Variants in METTL16 observed in about 807,000 individuals in gnomAD.
The protein encoded by METTL16 is RNA N(6)-adenosine-methyltransferase METTL16.
A neutral mutation model predicts 57.9 loss-of-function variants in METTL16; 19 were observed. The observed-to-expected ratio is 0.33, with a 90% CI of 0.23 to 0.48. The LOEUF is 0.48. Among genes scored for constraint, METTL16 ranks in the 20% least tolerant of loss-of-function variants. The pLI is 0.99. For synonymous variants in METTL16, 246 were observed against 255.6 expected, an observed-to-expected ratio of 0.96 and a Z score of 0.36; for missense variants, 434 against 691.5, an observed-to-expected ratio of 0.63 and a Z score of 4.18.
chr17:2,434,103 T>A (rs1003330145), intron 8 of METTL16, among the ~76,000 whole-genome samples: 1 of 152,102 alleles, frequency 6.6e-6, no homozygotes, highest in Admixed American at 6.5e-5. Context: ...AAGAAGAGGG[T>A]CCTAAGCTTT....
intron 5 of METTL16, 85 bp from the exon 6 acceptor site, chr17:2,464,435 T>C (rs2067175343): frequency 1.5e-6 from 2 of 1,308,996 alleles, no homozygotes; most frequent in African/African-American, 3.0e-5. Flanking sequence ...AGTTAGAATG[T>C]TTAGTTGCAA....
chr17:2,501,793 G>A (rs2067490062), intron 2 of METTL16, among the ~76,000 whole-genome samples: 1 of 151,892 alleles, frequency 6.6e-6, no homozygotes, highest in Non-Finnish European at 1.5e-5. Flanking sequence ...GGGAGGCAGA[G>A]GTTGCAGTGA....
At chr17:2,437,249 T>C (rs934022606) in intron 8 of METTL16, among the ~76,000 whole-genome samples, 4 of 152,162 alleles carry the variant, frequency 2.6e-5, no homozygotes, top group African/African-American at 4.8e-5. Context: ...AAAGGAATAA[T>C]GATCTATCAC....
intron 3 of METTL16, among the ~76,000 whole-genome samples, chr17:2,476,933 G>A (rs2067272417): frequency 6.6e-6 from 1 of 151,004 alleles, no homozygotes; most frequent in Admixed American, 6.6e-5. Flanking sequence ...TCCAGCCTGG[G>A]CGACAAGAGC....
intron 8 of METTL16, among the ~76,000 whole-genome samples, chr17:2,430,734 A>AT (rs966628600): frequency 2.0e-5 from 3 of 151,168 alleles, no homozygotes; most frequent in East Asian, 1.9e-4. Context: ...TATTTTTAGA[A>AT]TTTTTTTTTA....
rs557327335 is a variant in METTL16 at position 2,504,943 on chromosome 17, T to C, written c.1-2612A>G. On this transcript the variant is annotated intron_variant, in intron 1 of 9. Transcript: ENST00000263092. The stretch of plus-strand genomic sequence containing the variant: ...AGTGTACCATAACATCACCAAACTT[T>C]GAAAAAATATCTTTGATTCCAACTT... 1.7e-3 allele frequency among the ~76,000 whole-genome samples: 265 copies of C among 152,242 alleles called. 1 individual carries two copies. Among genetic ancestry groups the C allele is most frequent in the African/African-American group, 6.0e-3 (249 of 41,540 alleles).
intron 6 of METTL16, among the ~76,000 whole-genome samples, chr17:2,444,592 C>T (rs1195924918): frequency 6.6e-6 from 1 of 152,062 alleles, no homozygotes; most frequent in African/African-American, 2.4e-5. Flanking sequence ...ATAAAGTCTA[C>T]AATACTATAC....
At chr17:2,465,359 A>C (rs199916995) in intron 5 of METTL16, among the ~76,000 whole-genome samples, 3 of 151,204 alleles carry the variant, frequency 2.0e-5, no homozygotes, top group Non-Finnish European at 1.5e-5. Context: ...CTGGCTAACA[A>C]AGTGAAACCC....
chr17:2,443,239 G>T (rs933120084), intron 6 of METTL16, among the ~76,000 whole-genome samples: 2 of 152,140 alleles, frequency 1.3e-5, no homozygotes, highest in African/African-American at 4.8e-5. Context: ...CTCTCTAAGT[G>T]CTGGAATTAC....
chr17:2,483,653 T>TA lies in METTL16; in HGVS notation c.129-5769dup, dbSNP rs200471606. Among the ~76,000 whole-genome samples the TA allele has an allele frequency of 7.0e-3, 1,059 of 151,978 alleles. 10 individuals carry two copies. The highest frequency in any genetic ancestry group is 0.024 in the African/African-American group (1,001 of 41,472). ...GCAATGGCCTCAATCAATTTTCACATAAAAAAAAGATTTGCACTATCTTTG... is the reference window on the plus strand; with the variant it reads ...GCAATGGCCTCAATCAATTTTCACATAAAAAAAAAGATTTGCACTATCTTTG... On this transcript the variant is annotated intron_variant, in intron 2 of 9. Transcript: ENST00000263092.
At chr17:2,460,139 C>T (rs1324577099) in intron 6 of METTL16, 1 of 152,146 alleles carries the variant, frequency 6.6e-6, no homozygotes, top group South Asian at 2.1e-4. Context: ...AAACACTGTT[C>T]TAGTTTCTTC....
intron 8 of METTL16, among the ~76,000 whole-genome samples, chr17:2,422,070 G>A (rs1365600143): frequency 6.6e-6 from 1 of 152,130 alleles, no homozygotes; most frequent in Non-Finnish European, 1.5e-5. Context: ...CTAGCACTCT[G>A]GGAGGCCGAA....
chr17:2,473,625 G>A lies in METTL16; in HGVS notation c.368C>T (p.Thr123Ile), dbSNP rs1312514967. The change falls in exon 4 of 10, where the codon ACC becomes ATC. Residue 123 changes from threonine to isoleucine, a missense_variant. Around this residue, in one of 5 missense-constraint regions of METTL16, gnomAD observed 118 missense variants for 280.0 expected, o/e 0.42. Coordinates refer to ENST00000263092, the MANE Select transcript of METTL16 (RefSeq NM_024086.4). ...TGCGAGGAAATACCAGCCATTCAAG[G>A]TTGCTCCAAGTAAGGGGTAGATGCA... ...ASCIYPLLGA[T>I]LNGWYFLATE... 10 of 1,614,052 alleles carry A rather than the reference G, an allele frequency of 6.2e-6. No homozygotes were observed. The highest frequency in any genetic ancestry group is 5.5e-5 in the South Asian group (5 of 91,060).
chr17:2,509,377 T>C (rs2067570638), intron 1 of METTL16, among the ~76,000 whole-genome samples: 1 of 152,074 alleles, frequency 6.6e-6, no homozygotes. Context: ...TACCCTTTAC[T>C]GACCATCAGG....
chr17:2,447,798 G>A (rs2151554203), intron 6 of METTL16, among the ~76,000 whole-genome samples: 1 of 115,072 alleles, frequency 8.7e-6, no homozygotes, highest in South Asian at 3.1e-4. Flanking sequence ...GTCCGGGAGG[G>A]AGGTGGGGGG....
In METTL16 at chr17:2,433,401, C is replaced by T. The variant is rs189958953; in HGVS notation, c.888+4708G>A. On this transcript the variant is annotated intron_variant, in intron 8 of 9. Coordinates refer to ENST00000263092, the MANE Select transcript of METTL16 (RefSeq NM_024086.4). The stretch of plus-strand genomic sequence containing the variant: ...TCCTCCCACTTGTGGTAGGTGGCCA[C>T]TCAGGAGTGGGTGAGCAGGATGCTG... Among the ~76,000 whole-genome samples the T allele has an allele frequency of 3.1e-3, 466 of 152,012 alleles. 2 individuals carry two copies. Among genetic ancestry groups the T allele is most frequent in the Non-Finnish European group, 5.3e-3 (359 of 68,028 alleles).
intron 7 of METTL16, among the ~76,000 whole-genome samples, chr17:2,438,881 A>T (rs1051330355): frequency 3.9e-5 from 6 of 152,170 alleles, no homozygotes; most frequent in African/African-American, 1.4e-4. Flanking sequence ...TATCAATCAG[A>T]TTTTAGGAAA....
At chr17:2,500,284 C>CT (rs892923641) in intron 2 of METTL16, among the ~76,000 whole-genome samples, 40 of 147,698 alleles carry the variant, frequency 2.7e-4, no homozygotes, top group African/African-American at 5.9e-4. Flanking sequence ...TTTCTTTTTT[C>CT]TTTTTTTTTT....
intron 1 of METTL16, among the ~76,000 whole-genome samples, chr17:2,508,228 T>C (rs1318832008): frequency 6.6e-6 from 1 of 152,222 alleles, no homozygotes; most frequent in African/African-American, 2.4e-5. Context: ...GTCATAAATC[T>C]GTCAATGCTA....
Sources: gnomAD v4.1 joint callset for allele counts (sites outside exome capture counted in the v4.1 genomes callset) on GRCh38, gnomAD v4.1.1 for gene constraint, gnomAD v4.1.1 regional missense constraint, MANE v1.5 for transcripts, NCBI Gene and HGNC (gene_info 2026-07-23, HGNC 2026-07-21) for gene names.